TRMT44: variants seen among roughly 807,000 people sequenced by gnomAD.
TRMT44 encodes probable tRNA (uracil-O(2)-)-methyltransferase.
Under a neutral mutation model 77.3 loss-of-function variants are expected in TRMT44, and 78 were observed. That is an observed-to-expected ratio of 1.01 (90% CI 0.84 to 1.22). The LOEUF (loss-of-function observed/expected upper bound fraction) is 1.22. TRMT44 is among the 50% of genes most tolerant of loss of function. TRMT44 has a pLI of 0.00. For missense variants in TRMT44, 1,090 were observed against 964.4 expected (o/e 1.13, Z -1.73); for synonymous variants, 391 against 383.3 (o/e 1.02, Z -0.23).
the TRMT44 span, among the ~76,000 whole-genome samples, chr4:8,500,257 T>G: frequency 3.9e-5 from 6 of 152,094 alleles, no homozygotes; most frequent in South Asian, 4.1e-4. Context: ...TTCAGGAGGC[T>G]GAGGCGGGTG....
intron 2 of TRMT44, among the ~76,000 whole-genome samples, chr4:8,448,009 C>G (rs1007711342): frequency 2.0e-5 from 3 of 152,140 alleles, no homozygotes; most frequent in African/African-American, 7.2e-5. Flanking sequence ...GAGGACGTGG[C>G]TGCTGCTCCC....
At chr4:8,443,103 G>A (rs1222392671) in intron 1 of TRMT44, among the ~76,000 whole-genome samples, 1 of 152,192 alleles carries the variant, frequency 6.6e-6, no homozygotes, top group Non-Finnish European at 1.5e-5. Context: ...TCCCAATACT[G>A]TCTGCCTCTG....
At chr4:8,507,777 G>T in the TRMT44 span, among the ~76,000 whole-genome samples, 3 of 152,124 alleles carry the variant, frequency 2.0e-5, no homozygotes, top group South Asian at 4.1e-4. Flanking sequence ...TCCGGCCCCC[G>T]CTCCTTCACC....
chr4:8,465,254 T>A, intron 7 of TRMT44, 124 bp from the exon 8 acceptor site: 1 of 884,900 alleles, frequency 1.1e-6, no homozygotes, highest in Non-Finnish European at 1.8e-6. Flanking sequence ...AGAAACAATA[T>A]TGGCCAGGAA....
At chr4:8,502,515 A>G in the TRMT44 span, among the ~76,000 whole-genome samples, 117 of 152,256 alleles carry the variant, frequency 7.7e-4, 1 homozygote, top group Non-Finnish European at 1.5e-3. Context: ...CAATCACGGT[A>G]CCAGCCAGGG....
chr4:8,471,193 G>A lies in TRMT44; in HGVS notation c.2037G>A (p.Val679=). The stretch of plus-strand genomic sequence containing the variant: ...CGCTGCTCCGGAACAGCCACCAGGT[G>A]TTCCAAGGTACGGAGTCCGCCTCTC... ...LQTLLRNSHQ[V]FQVVNGRVHI... The change falls in exon 10 of 11, where the codon GTG becomes GTA. Residue 679 remains valine (V), a synonymous_variant. Transcript: ENST00000389737. 1 of 1,590,290 alleles carries A rather than the reference G, an allele frequency of 6.3e-7. No homozygotes were observed. Among genetic ancestry groups the A allele is most frequent in the Non-Finnish European group, 8.6e-7 (1 of 1,168,902 alleles).
At chr4:8,492,233 T>G (rs931824988) in intron 2 of TRMT44, among the ~76,000 whole-genome samples, 3 of 152,194 alleles carry the variant, frequency 2.0e-5, no homozygotes, top group Admixed American at 1.3e-4. Flanking sequence ...GCATTCATGT[T>G]AACATTATGT....
rs1250583131 is a variant in TRMT44, at chr4:8,452,990, G to C, written c.1131+1G>C. The C allele has an allele frequency of 3.3e-6, 5 of 1,505,426 alleles. No individual in the cohort carries two copies. The Admixed American group carries it at 6.4e-5, about 19-fold the overall frequency. The allele number at this position is 1,505,426 out of a possible 1,614,324, so 93.3% of individuals were successfully genotyped here. On this transcript the variant is annotated splice_donor_variant, in intron 5 of 10. Transcript: ENST00000389737. LOFTEE classifies it high-confidence loss of function. This position sits in a 1 kb window ranked among gnomAD's most constrained non-coding sequence, Gnocchi z 5.7. The stretch of plus-strand genomic sequence containing the variant: ...GGTCCACATCCTGAGCAGTGAGGGG[G>C]TAAGGCCCGGCTCCATCACCTTTTC...
rs1478536656 is a variant in TRMT44 at position 8,441,038 on chromosome 4, G to A, written c.216G>A (p.Pro72=). 8.0e-6 allele frequency: 12 copies of A among 1,493,020 alleles called. No individual in the cohort carries two copies. The highest frequency in any genetic ancestry group is 2.3e-5 in the Admixed American group (1 of 43,966). The allele number at this position is 1,493,020 out of a possible 1,614,324, so 92.5% of individuals were successfully genotyped here. Reference sequence around the variant, plus strand: ...GCTCGGAGCAGAAGGAGCGGGGTCCGGGACCCGGCCAGGGTTCCCCCGGAG... The same window carrying A: ...GCTCGGAGCAGAAGGAGCGGGGTCCAGGACCCGGCCAGGGTTCCCCCGGAG... ...SAGSEQKERG[P]GPGQGSPGGG... Residue 72 remains proline, a synonymous_variant, in exon 1 of 11, where the codon CCG becomes CCA. Transcript: ENST00000389737.
rs549569056 is a variant in TRMT44 at position 8,463,670 on chromosome 4, G to A, written c.1204-315G>A. On this transcript the variant is annotated intron_variant, in intron 6 of 10. Coordinates refer to ENST00000389737, the MANE Select transcript of TRMT44 (RefSeq NM_152544.3). ...CCAGAGGTGAAACCGTTCCGTGGCC[G>A]TCTCTCCTGGAGCTCCTTCTTATGC... Among the ~76,000 whole-genome samples, 15 of 152,296 alleles carry A rather than the reference G, an allele frequency of 9.8e-5. No homozygotes were observed. The South Asian group carries it at 1.9e-3, about 19-fold the overall frequency.
the TRMT44 span, among the ~76,000 whole-genome samples, chr4:8,505,568 G>T: frequency 5.3e-5 from 8 of 152,354 alleles, no homozygotes; most frequent in Non-Finnish European, 8.8e-5. Flanking sequence ...CAGCAAATGT[G>T]CCTGCCCTCC....
intron 2 of TRMT44, among the ~76,000 whole-genome samples, chr4:8,486,034 G>A (rs560900910): frequency 7.2e-5 from 11 of 152,318 alleles, no homozygotes; most frequent in East Asian, 3.9e-4. Flanking sequence ...ATCGGGCAGC[G>A]TCAATCTTCA....
chr4:8,472,587 C>T (rs1157235290), intron 10 of TRMT44, among the ~76,000 whole-genome samples: 3 of 152,218 alleles, frequency 2.0e-5, no homozygotes, highest in South Asian at 2.1e-4. Context: ...CACACACACA[C>T]ACTGCCTTTG....
chr4:8,484,046 T>A (rs1727723219), intron 2 of TRMT44, among the ~76,000 whole-genome samples: 1 of 152,140 alleles, frequency 6.6e-6, no homozygotes, highest in South Asian at 2.1e-4. Flanking sequence ...CCTTGAGATT[T>A]CCAGGATGGA....
downstream of TRMT44, among the ~76,000 whole-genome samples, chr4:8,496,043 A>C (rs1209609882): frequency 6.6e-6 from 1 of 152,206 alleles, no homozygotes; most frequent in Non-Finnish European, 1.5e-5. Context: ...ATTTGTATAG[A>C]CTGAAGCAGT....
the TRMT44 span, among the ~76,000 whole-genome samples, chr4:8,500,860 C>T: frequency 6.6e-6 from 1 of 152,182 alleles, no homozygotes; most frequent in Non-Finnish European, 1.5e-5. Context: ...GGAGGTTTCA[C>T]CATGTTGACC....
At chr4:8,442,835 T>G (rs887489064) in intron 1 of TRMT44, among the ~76,000 whole-genome samples, 13 of 152,238 alleles carry the variant, frequency 8.5e-5, no homozygotes, top group African/African-American at 3.1e-4. Context: ...CCTCTCCTGC[T>G]GCTTCTCTCC....
At chr4:8,512,545 C>T in the TRMT44 span, 8 of 152,134 alleles carry the variant, frequency 5.3e-5, no homozygotes, top group East Asian at 1.9e-4. Flanking sequence ...TATGTGTAAG[C>T]GTTGTGTGTG....
chr4:8,485,534 G>A lies in TRMT44; in HGVS notation n.3891+6001G>A, dbSNP rs1012251500. On this transcript the variant is annotated intron_variant and non_coding_transcript_variant, in intron 2 of 2. Coordinates refer to the TRMT44 transcript ENST00000511366. ...GTGGGATGGGATATTGGCATTGAGC[G>A]GGGTAAGGGTGATTAGGTTTTAATG... 7.2e-5 allele frequency among the ~76,000 whole-genome samples: 11 copies of A among 152,216 alleles called. No homozygotes were observed. The South Asian group carries it at 1.0e-3, about 14-fold the overall frequency.
Sources: allele counts gnomAD v4.1 joint callset (sites outside exome capture counted in the v4.1 genomes callset), GRCh38; gene constraint gnomAD v4.1.1; non-coding constraint Gnocchi (gnomAD v3.1); transcripts MANE v1.5; gene names NCBI Gene and HGNC (gene_info 2026-07-23, HGNC 2026-07-21).